The following TMEM68 variants were observed in gnomAD, a reference collection of about 807,000 sequenced individuals.
TMEM68 encodes the protein transmembrane protein 68, also known as DGAT1/2-independent enzyme synthesizing storage lipids.
TMEM68 carries 25 observed loss-of-function variants against 36.9 expected under a neutral mutation model. That is an observed-to-expected ratio of 0.68 (90% CI 0.49 to 0.95). The LOEUF is 0.95. Among genes scored for constraint, TMEM68 ranks in the 40% least tolerant of loss-of-function variants. TMEM68 has a pLI of 0.00. For synonymous variants in TMEM68, 131 were observed against 124.4 expected (o/e 1.05, Z -0.35); for missense variants, 333 against 392.0 (o/e 0.85, Z 1.27).
chr8:55,748,765 A>C (rs1810355235), intron 5 of TMEM68, among the ~76,000 whole-genome samples: 1 of 151,358 alleles, frequency 6.6e-6, no homozygotes, highest in Non-Finnish European at 1.5e-5. Flanking sequence ...TAATTTTTGT[A>C]CTTTTAGCAG....
At chr8:55,748,783 G>T (rs1477881464) in intron 5 of TMEM68, among the ~76,000 whole-genome samples, 2 of 151,980 alleles carry the variant, frequency 1.3e-5, no homozygotes, top group Non-Finnish European at 2.9e-5. Context: ...CAGAGATGAG[G>T]TTTCACCATG....
chr8:55,757,594 C>T (rs1810645420), intron 3 of TMEM68, among the ~76,000 whole-genome samples: 1 of 152,118 alleles, frequency 6.6e-6, no homozygotes. Flanking sequence ...GAAACCCTTT[C>T]ACTCCCTCTA....
At chr8:55,765,224 A>G (rs1810927496) in intron 1 of TMEM68, among the ~76,000 whole-genome samples, 1 of 152,194 alleles carries the variant, frequency 6.6e-6, no homozygotes, top group Admixed American at 6.5e-5. Context: ...CTAGTTTTGT[A>G]CCACAGACCC....
intron 1 of TMEM68, among the ~76,000 whole-genome samples, chr8:55,766,656 A>G (rs975726745): frequency 6.6e-6 from 1 of 151,984 alleles, no homozygotes; most frequent in African/African-American, 2.4e-5. Context: ...GATTACAGGC[A>G]TGAGCCACCG....
At chr8:55,742,807 T>A (rs1389549255) in intron 7 of TMEM68, among the ~76,000 whole-genome samples, 1 of 145,074 alleles carries the variant, frequency 6.9e-6, no homozygotes, top group Non-Finnish European at 1.5e-5. Flanking sequence ...TTTGTAGGGT[T>A]TTTTTTTTTT....
intron 7 of TMEM68, among the ~76,000 whole-genome samples, chr8:55,741,833 G>A (rs752985319): frequency 1.3e-5 from 2 of 152,090 alleles, no homozygotes; most frequent in Non-Finnish European, 2.9e-5. Flanking sequence ...ATCATGAAGG[G>A]AGTTAAATAC....
chr8:55,758,413 AT>A (rs1438982583), intron 3 of TMEM68, among the ~76,000 whole-genome samples: 8 of 152,254 alleles, frequency 5.3e-5, no homozygotes, highest in Non-Finnish European at 1.2e-4. Flanking sequence ...TCAATAAAAA[AT>A]ATGACATAAA....
intron 3 of TMEM68, chr8:55,761,714 G>C (rs1810799005): frequency 6.6e-6 from 1 of 152,212 alleles, no homozygotes; most frequent in Admixed American, 6.5e-5. Flanking sequence ...AAGTATGTAT[G>C]TAGTATTAAA....
Position 55,751,035 on chromosome 8 carries a change from T to C in TMEM68, c.616A>G (p.Ser206Gly), listed in dbSNP as rs752728706. 6.2e-7 allele frequency: 1 copy of C among 1,614,084 alleles called. No individual in the cohort carries two copies. Among genetic ancestry groups the C allele is most frequent in the South Asian group, 1.1e-5 (1 of 91,076 alleles). Reference sequence around the variant, plus strand: ...CATACGATGTTATAAGTTTCATCACTAATTAGGGCTTCTCGAACTCCACCT... The same window carrying C: ...CATACGATGTTATAAGTTTCATCACCAATTAGGGCTTCTCGAACTCCACCT... ...SPGGVREALI[S>G]DETYNIVWGH... The change falls in exon 5 of 8, where the codon AGT (serine) becomes GGT (glycine). Residue 206 changes from serine to glycine, a missense_variant. By Grantham distance (56) the Ser-to-Gly change is moderately conservative. Transcript: ENST00000434581.
At chr8:55,760,319 C>A (rs1416810396) in intron 3 of TMEM68, among the ~76,000 whole-genome samples, 2 of 152,216 alleles carry the variant, frequency 1.3e-5, no homozygotes, top group Non-Finnish European at 2.9e-5. Context: ...TCCCATGTCA[C>A]CACTGTCAGA....
At chr8:55,754,604 A>G (rs1810522940) in intron 4 of TMEM68, among the ~76,000 whole-genome samples, 1 of 134,036 alleles carries the variant, frequency 7.5e-6, no homozygotes. Context: ...TATGTAATAT[A>G]TATTTATATT....
At chr8:55,768,929 T>C (rs1229088992) in intron 1 of TMEM68, among the ~76,000 whole-genome samples, 1 of 146,680 alleles carries the variant, frequency 6.8e-6, no homozygotes, top group Non-Finnish European at 1.5e-5. Context: ...AGGGGGAGGA[T>C]CACTTGAGCC....
Position 55,754,464 on chromosome 8 carries a change from TATACAC to T in TMEM68, c.493+1774_493+1779del, listed in dbSNP as rs1202858447. On this transcript the variant is annotated intron_variant, in intron 4 of 7. Transcript: ENST00000434581. ...TCTCGAATATATATATATATATATA[TATACAC>T]ACACACACACACACACACACACATA... Among the ~76,000 whole-genome samples, 789 of 115,682 alleles carry T rather than the reference TATACAC, an allele frequency of 6.8e-3. 3 individuals are homozygous for T. The highest frequency in any genetic ancestry group is 0.013 in the African/African-American group (359 of 26,610). 75.9% of individuals were successfully genotyped at this position (115,682 alleles called of 152,430 possible).
intron 4 of TMEM68, among the ~76,000 whole-genome samples, chr8:55,751,892 T>G (rs992479988): frequency 6.6e-6 from 1 of 152,160 alleles, no homozygotes; most frequent in African/African-American, 2.4e-5. Flanking sequence ...ATGGGAAATA[T>G]AGCGATGCAT....
intron 3 of TMEM68, chr8:55,762,245 T>A (rs1023283086): frequency 3.6e-5 from 7 of 194,138 alleles, no homozygotes; most frequent in Non-Finnish European, 6.2e-5. Context: ...TTATTTAATA[T>A]TTCATTTTTT....
At chr8:55,761,802 C>T (rs1329204691) in intron 3 of TMEM68, 5 of 152,138 alleles carry the variant, frequency 3.3e-5, no homozygotes, top group Non-Finnish European at 1.5e-5. Flanking sequence ...TGATATATAT[C>T]CTCAAGTGTC....
intron 1 of TMEM68, among the ~76,000 whole-genome samples, chr8:55,769,998 T>C (rs1311322946): frequency 1.3e-5 from 2 of 152,184 alleles, no homozygotes; most frequent in East Asian, 3.8e-4. Context: ...TAGAGAACTA[T>C]CAGAGGAATT....
At chr8:55,743,682 C>T in intron 6 of TMEM68, 62 bp from the exon 7 acceptor site, 1 of 1,432,258 alleles carries the variant, frequency 7.0e-7, no homozygotes, top group Non-Finnish European at 9.3e-7. Flanking sequence ...TAACTGTAAA[C>T]TTTCAAATTA....
chr8:55,751,080 G>A lies in TMEM68; in HGVS notation c.571C>T (p.His191Tyr), dbSNP rs1810417341. 6.2e-7 allele frequency: 1 copy of A among 1,613,980 alleles called. No individual in the cohort carries two copies. The highest frequency in any genetic ancestry group is 8.5e-7 in the Non-Finnish European group (1 of 1,179,984). ...CCACCTGGTGAGATAGCTAACAAGT[G>A]GCCACTCCTCAGAATTTCAACACAT... ...EKCVEILRSG[H>Y]LLAISPGGVR... The change falls in exon 5 of 8, where the codon CAC becomes TAC. Residue 191 changes from histidine to tyrosine, a missense_variant. Physicochemically the swap from His to Tyr is moderately conservative, Grantham distance 83 (BLOSUM62 2). Transcript: ENST00000434581.
Sources: gnomAD v4.1 joint callset for allele counts (sites outside exome capture counted in the v4.1 genomes callset) on GRCh38, gnomAD v4.1.1 for gene constraint, MANE v1.5 for transcripts, NCBI Gene and HGNC (gene_info 2026-07-23, HGNC 2026-07-21) for gene names.